ITPR2: variants seen among roughly 807,000 people sequenced by gnomAD.
The protein encoded by ITPR2 is inositol 1,4,5-trisphosphate receptor type 2, also known as inositol 1,4,5-trisphosphate-gated calcium channel ITPR2.
A neutral mutation model predicts 317.1 loss-of-function variants in ITPR2; 207 were observed. The observed-to-expected ratio is 0.65, with a 90% CI of 0.58 to 0.73. The LOEUF (loss-of-function observed/expected upper bound fraction) is 0.73. ITPR2 is among the 30% of genes least tolerant of loss of function. The pLI is 0.00. For synonymous variants in ITPR2, 1,156 were observed against 1,149.1 expected (o/e 1.01, Z -0.12); for missense variants, 2,613 against 3,284.0 (o/e 0.80, Z 4.99).
At chr12:26,791,549 A>G (rs1288114528) in intron 1 of ITPR2, among the ~76,000 whole-genome samples, 2 of 152,150 alleles carry the variant, frequency 1.3e-5, no homozygotes, top group African/African-American at 4.8e-5. Flanking sequence ...TGTGGAATCC[A>G]ATTTCCACAA....
intron 48 of ITPR2, among the ~76,000 whole-genome samples, chr12:26,429,296 A>G (rs1250940646): frequency 6.6e-6 from 1 of 152,192 alleles, no homozygotes; most frequent in African/African-American, 2.4e-5. Context: ...CTGAAAGCAA[A>G]CAATGATGAA....
rs564809996 is a variant in ITPR2 at position 26,594,804 on chromosome 12, C to T, written c.4380+661G>A. Among the ~76,000 whole-genome samples, 241 of 151,908 alleles carry T rather than the reference C, an allele frequency of 1.6e-3. 2 individuals are homozygous for T. Among genetic ancestry groups the T allele is most frequent in the Middle Eastern group, 3.4e-3 (1 of 294 alleles). On this transcript the variant is annotated intron_variant, in intron 32 of 56. Transcript: ENST00000381340. ...TGTCCATCAAAGATATTCCTTCTTT[C>T]TTATATTTCTTCACTCATTCATTTA...
In ITPR2 at chr12:26,447,755, A is replaced by G. The variant is rs557269388; in HGVS notation, c.6343-4105T>C. Among the ~76,000 whole-genome samples the G allele has an allele frequency of 5.9e-5, 9 of 152,226 alleles. No individual in the cohort carries two copies. In the South Asian group the frequency reaches 1.9e-3, roughly 32 times the overall value. ...ATGCATAAAAATGACTGATATCAAT[A>G]CAGTGCTTTCCTGGTCCAAATTAAC... On this transcript the variant is annotated intron_variant, in intron 45 of 56. Transcript: ENST00000381340.
intron 37 of ITPR2, among the ~76,000 whole-genome samples, chr12:26,528,301 C>A (rs186915831): frequency 4.6e-5 from 7 of 152,088 alleles, no homozygotes; most frequent in African/African-American, 1.7e-4. Context: ...ACAAACTGTT[C>A]GAAATAGAAC....
chr12:26,474,710 C>T (rs911872707), intron 45 of ITPR2, among the ~76,000 whole-genome samples: 2 of 138,746 alleles, frequency 1.4e-5, no homozygotes, highest in South Asian at 4.7e-4. Context: ...AGGAGAATGG[C>T]GTGAACCCGG....
At chr12:26,587,284 T>A (rs754935384) in intron 32 of ITPR2, among the ~76,000 whole-genome samples, 1 of 66,896 alleles carries the variant, frequency 1.5e-5, no homozygotes, top group African/African-American at 4.4e-5. Flanking sequence ...CAAATAAATA[T>A]ATATATATAT....
chr12:26,789,622 G>C (rs1950310688), intron 2 of ITPR2, among the ~76,000 whole-genome samples: 1 of 152,100 alleles, frequency 6.6e-6, no homozygotes, highest in Non-Finnish European at 1.5e-5. Flanking sequence ...TAAGAGTTGA[G>C]TTATAATCAA....
intron 37 of ITPR2, among the ~76,000 whole-genome samples, chr12:26,536,618 G>A (rs1019240580): frequency 6.6e-6 from 1 of 152,202 alleles, no homozygotes; most frequent in Non-Finnish European, 1.5e-5. Flanking sequence ...AGCAATTACT[G>A]CCTGAGTTAG....
At chr12:26,795,998 A>AGG (rs1565772687) in intron 1 of ITPR2, among the ~76,000 whole-genome samples, 1 of 130,878 alleles carries the variant, frequency 7.6e-6, no homozygotes, top group Admixed American at 7.4e-5. Flanking sequence ...AACAAAAAAA[A>AGG]AGGGGGGGGG....
At chr12:26,340,051 C>T (rs373281205) in intron 56 of ITPR2, 116 bp downstream of exon 56, 13 of 995,478 alleles carry the variant, frequency 1.3e-5, no homozygotes, top group African/African-American at 1.0e-4. Context: ...GTTTCTTTCT[C>T]GGAGTTTGCA....
rs113728636 is a variant in ITPR2, at chr12:26,709,250, A to G, written c.951+1923T>C. 3.3e-3 allele frequency among the ~76,000 whole-genome samples: 497 copies of G among 152,310 alleles called. 3 individuals carry two copies. Among genetic ancestry groups the G allele is most frequent in the African/African-American group, 0.012 (480 of 41,564 alleles). The stretch of plus-strand genomic sequence containing the variant: ...AAAATCAGTAGAAAATAAATTCGTA[A>G]CTTTCAGTTTTCAGATATGTGCTTA... On this transcript the variant is annotated intron_variant, in intron 9 of 56. Transcript: ENST00000381340.
intron 43 of ITPR2, among the ~76,000 whole-genome samples, chr12:26,477,640 G>T (rs755797431): frequency 6.6e-6 from 1 of 151,992 alleles, no homozygotes; most frequent in African/African-American, 2.4e-5. Flanking sequence ...GCTTAACAAA[G>T]AATGAAAATA....
At chr12:26,523,274 C>G (rs147097180) in intron 37 of ITPR2, among the ~76,000 whole-genome samples, 1 of 152,132 alleles carries the variant, frequency 6.6e-6, no homozygotes, top group Non-Finnish European at 1.5e-5. Flanking sequence ...TAATTTCTGA[C>G]GGTTCCTTAA....
chr12:26,652,176 A>G (rs1303681910), intron 21 of ITPR2, among the ~76,000 whole-genome samples: 1 of 152,096 alleles, frequency 6.6e-6, no homozygotes, highest in African/African-American at 2.4e-5. Context: ...AAAACCACTC[A>G]CCATCCTCAA....
chr12:26,592,024 A>G (rs1253801377), intron 32 of ITPR2, among the ~76,000 whole-genome samples: 1 of 152,048 alleles, frequency 6.6e-6, no homozygotes, highest in Non-Finnish European at 1.5e-5. Flanking sequence ...ATGAATGGAT[A>G]AAGAAAATGT....
chr12:26,429,969 T>C lies in ITPR2; in HGVS notation c.6770-1881A>G, dbSNP rs550163449. 7.2e-5 allele frequency among the ~76,000 whole-genome samples: 11 copies of C among 152,352 alleles called. No homozygotes were observed. In the South Asian group the frequency reaches 2.3e-3, roughly 32 times the overall value. On this transcript the variant is annotated intron_variant, in intron 48 of 56. Transcript: ENST00000381340. The stretch of plus-strand genomic sequence containing the variant: ...TCTGATAAACTATTCACCTCTTCAC[T>C]ATTCTTTCCAAGACCATATCTGGTT...
chr12:26,432,004 G>A (rs914705061), intron 48 of ITPR2, among the ~76,000 whole-genome samples: 7 of 149,464 alleles, frequency 4.7e-5, no homozygotes, highest in South Asian at 2.2e-4. Flanking sequence ...GGAACTTCAG[G>A]GTTGGACAGA....
intron 34 of ITPR2, among the ~76,000 whole-genome samples, chr12:26,575,582 A>G (rs16931011): frequency 0.2 from 29,807 of 151,958 alleles, 3,271 homozygotes; most frequent in South Asian, 0.31. Context: ...TCTTGATTAT[A>G]CCCTTCGATA....
chr12:26,810,297 T>G (rs1405447513), intron 1 of ITPR2, among the ~76,000 whole-genome samples: 1 of 152,232 alleles, frequency 6.6e-6, no homozygotes, highest in Non-Finnish European at 1.5e-5. Flanking sequence ...CTTATAGCTT[T>G]TTTTTCATAG....
Sources: gnomAD v4.1 joint callset for allele counts (sites outside exome capture counted in the v4.1 genomes callset) on GRCh38, gnomAD v4.1.1 for gene constraint, MANE v1.5 for transcripts, NCBI Gene and HGNC (gene_info 2026-07-23, HGNC 2026-07-21) for gene names.